Variants in MTMR7 observed in about 807,000 individuals in gnomAD.
MTMR7 encodes myotubularin related protein 7.
Under a neutral mutation model 81.2 loss-of-function variants are expected in MTMR7, and 76 were observed. The ratio of observed to expected loss-of-function variants is 0.94; its 90% CI spans 0.78 to 1.13. MTMR7 has a LOEUF of 1.13. MTMR7 is among the 50% of genes most tolerant of loss of function. The pLI, the probability that MTMR7 is intolerant of heterozygous loss-of-function variation, is 0.00. For missense variants in MTMR7, 1,044 were observed against 820.0 expected, an observed-to-expected ratio of 1.27 and a Z score of -3.34; for synonymous variants, 372 against 289.8, an observed-to-expected ratio of 1.28 and a Z score of -2.88.
chr8:17,360,018 G>C (rs546992667), intron 4 of MTMR7, among the ~76,000 whole-genome samples: 1 of 152,186 alleles, frequency 6.6e-6, no homozygotes, highest in African/African-American at 2.4e-5. Flanking sequence ...ATTTAAAATA[G>C]TGATGAGTAA....
chr8:17,379,642 C>T (rs151202725), intron 1 of MTMR7, among the ~76,000 whole-genome samples: 1 of 152,108 alleles, frequency 6.6e-6, no homozygotes, highest in African/African-American at 2.4e-5. Context: ...GAAACATGTA[C>T]TTATTTACTT....
intron 11 of MTMR7, among the ~76,000 whole-genome samples, chr8:17,304,964 A>G (rs1315462524): frequency 6.6e-6 from 1 of 152,138 alleles, no homozygotes; most frequent in African/African-American, 2.4e-5. Context: ...TATAGCTAGT[A>G]AGTGGAAAAG....
chr8:17,327,235 T>C (rs1327198785), intron 7 of MTMR7, among the ~76,000 whole-genome samples: 1 of 152,216 alleles, frequency 6.6e-6, no homozygotes, highest in Non-Finnish European at 1.5e-5. Context: ...TCTACTATTA[T>C]AAATAAAACA....
At chr8:17,341,253 C>T (rs1170464100) in intron 6 of MTMR7, 110 bp downstream of exon 6, 2 of 1,433,302 alleles carry the variant, frequency 1.4e-6, no homozygotes, top group East Asian at 4.8e-5. Flanking sequence ...GAGGAACCGC[C>T]CCTTTGCAGA....
At chr8:17,341,533 G>C in intron 5 of MTMR7, 36 bp from the exon 6 acceptor site, 1 of 1,608,878 alleles carries the variant, frequency 6.2e-7, no homozygotes, top group Non-Finnish European at 8.5e-7. Context: ...AGCACCATCA[G>C]GTAACTGTAC....
chr8:17,307,690 G>T (rs926146340), intron 10 of MTMR7, among the ~76,000 whole-genome samples: 1 of 152,132 alleles, frequency 6.6e-6, no homozygotes, highest in African/African-American at 2.4e-5. Flanking sequence ...TATACACCAT[G>T]GAATATTATG....
intron 3 of MTMR7, among the ~76,000 whole-genome samples, chr8:17,368,988 C>T (rs1820322821): frequency 6.6e-6 from 1 of 152,200 alleles, no homozygotes; most frequent in Non-Finnish European, 1.5e-5. Flanking sequence ...GGCGAGAGTC[C>T]TGGCACTCGC....
intron 8 of MTMR7, 175 bp from the exon 9 acceptor site, chr8:17,311,811 G>T: frequency 1.1e-6 from 1 of 943,920 alleles, no homozygotes; most frequent in Non-Finnish European, 1.6e-6. Flanking sequence ...GTGGCCTGGT[G>T]CTGGCAGCTA....
chr8:17,350,595 A>G (rs1231343008), intron 4 of MTMR7, among the ~76,000 whole-genome samples: 2 of 152,182 alleles, frequency 1.3e-5, no homozygotes, highest in Non-Finnish European at 2.9e-5. Flanking sequence ...GTGGGGACAC[A>G]GAAACCCACA....
At chr8:17,357,108 C>T (rs1819918410) in intron 4 of MTMR7, among the ~76,000 whole-genome samples, 1 of 152,088 alleles carries the variant, frequency 6.6e-6, no homozygotes, top group Non-Finnish European at 1.5e-5. Context: ...ATTTTTAAAA[C>T]TATGTTATAT....
chr8:17,300,363 C>G (rs1358269474), intron 13 of MTMR7, 139 bp from the exon 14 acceptor site: 6 of 956,418 alleles, frequency 6.3e-6, no homozygotes, highest in Non-Finnish European at 9.0e-6. Flanking sequence ...TGAGTTCAAA[C>G]CTGGACTTCA....
chr8:17,336,693 G>A (rs1819247219), intron 6 of MTMR7, among the ~76,000 whole-genome samples: 1 of 152,172 alleles, frequency 6.6e-6, no homozygotes, highest in South Asian at 2.1e-4. Context: ...AAAAGGCCAG[G>A]CGTCACGGAG....
intron 1 of MTMR7, among the ~76,000 whole-genome samples, chr8:17,380,247 G>GA (rs1363863928): frequency 6.6e-6 from 1 of 152,110 alleles, no homozygotes; most frequent in East Asian, 1.9e-4. Context: ...GTTTGTTTAT[G>GA]AAAAATCACC....
chr8:17,317,406 C>A (rs998659932), intron 7 of MTMR7, among the ~76,000 whole-genome samples: 2 of 152,170 alleles, frequency 1.3e-5, no homozygotes, highest in African/African-American at 4.8e-5. Flanking sequence ...ATGCCAGTGT[C>A]CTAAGAGGAC....
intron 5 of MTMR7, among the ~76,000 whole-genome samples, chr8:17,346,884 TA>T (rs55910829): frequency 0.15 from 9,552 of 64,986 alleles, 328 homozygotes; most frequent in Middle Eastern, 0.24. Context: ...CCTATCTTAA[TA>T]AAAAAAAAAA....
At position 17,366,225 on chromosome 8, in the gene MTMR7, G is replaced by T. The variant is rs554381658; in HGVS notation, c.310+4812C>A. Among the ~76,000 whole-genome samples the T allele has an allele frequency of 2.0e-5, 3 of 152,198 alleles. No homozygotes were observed. In the South Asian group the frequency reaches 6.2e-4, roughly 32 times the overall value. On this transcript the variant is annotated intron_variant, in intron 3 of 13. Coordinates refer to ENST00000180173, the MANE Select transcript of MTMR7 (RefSeq NM_004686.5). ...AAAGGGTGCTCCTTCTGCCAAATAA[G>T]GGAGAGATGAGGGTACAACAAAACA...
intron 5 of MTMR7, among the ~76,000 whole-genome samples, chr8:17,342,565 G>C (rs892986942): frequency 2.6e-5 from 4 of 152,196 alleles, no homozygotes; most frequent in African/African-American, 9.6e-5. Flanking sequence ...CTGAACATGG[G>C]TTTGGATCTC....
At chr8:17,364,488 T>C (rs1001853540) in intron 3 of MTMR7, among the ~76,000 whole-genome samples, 1 of 152,222 alleles carries the variant, frequency 6.6e-6, no homozygotes, top group Non-Finnish European at 1.5e-5. Flanking sequence ...CTATTACCTA[T>C]ACTCAACACA....
chr8:17,357,617 T>C lies in MTMR7; in HGVS notation c.468+3500A>G, dbSNP rs533738084. 6.7e-4 allele frequency among the ~76,000 whole-genome samples: 102 copies of C among 152,338 alleles called. 1 individual carries two copies. In the South Asian group the frequency reaches 0.019, roughly 28 times the overall value. On this transcript the variant is annotated intron_variant, in intron 4 of 13. Transcript: ENST00000180173. ...AATGATGTTATTTGAGAATATCCTG[T>C]ACATCGTTTCACTCAAAGTCGCAGT...
Sources: allele counts gnomAD v4.1 joint callset (sites outside exome capture counted in the v4.1 genomes callset), GRCh38; gene constraint gnomAD v4.1.1; transcripts MANE v1.5; gene names NCBI Gene and HGNC (gene_info 2026-07-23, HGNC 2026-07-21).